The following LARGE2 variants were observed in gnomAD, a reference collection of about 807,000 sequenced individuals.
The protein encoded by LARGE2 is xylosyl- and glucuronyltransferase LARGE2.
A neutral mutation model predicts 75.3 loss-of-function variants in LARGE2; 63 were observed. That is an observed-to-expected ratio of 0.84 (90% CI 0.68 to 1.03). The LOEUF (loss-of-function observed/expected upper bound fraction) is 1.03, where lower values mean the gene tolerates loss of function less well. LARGE2 is among the 50% of genes least tolerant of loss of function. The pLI, the probability that LARGE2 is intolerant of heterozygous loss-of-function variation, is 0.00. For missense variants in LARGE2, 925 were observed against 980.6 expected, an observed-to-expected ratio of 0.94 and a Z score of 0.76; for synonymous variants, 428 against 420.1, an observed-to-expected ratio of 1.02 and a Z score of -0.23.
At position 45,924,852 on chromosome 11, in the gene LARGE2, C is replaced by T. The variant is rs762307296; in HGVS notation, c.732C>T (p.His244=). Residue 244 remains histidine, a synonymous_variant, in exon 6 of 14, where the codon CAC becomes CAT. Coordinates refer to ENST00000401752, the MANE Select transcript of LARGE2 (RefSeq NM_001300721.2). ...DWYLGNLWKN[H]RPWPALGRGF... ...ACCTGGGCAACCTCTGGAAGAACCA[C>T]AGGCCCTGGCCTGCCTTGGGCCGGG... 3.3e-6 allele frequency: 5 copies of T among 1,506,562 alleles called. No individual in the cohort carries two copies. Among genetic ancestry groups the T allele is most frequent in the African/African-American group, 1.4e-5 (1 of 71,456 alleles). 93.3% of individuals were successfully genotyped at this position (1,506,562 alleles called of 1,614,324 possible).
At chr11:45,926,391 G>A in intron 8 of LARGE2, 44 bp downstream of exon 8, 1 of 1,613,698 alleles carries the variant, frequency 6.2e-7, no homozygotes, top group South Asian at 1.1e-5. Flanking sequence ...GGCCATGGAT[G>A]GAGACTTCTG....
At position 45,926,706 on chromosome 11, in the gene LARGE2, C is replaced by G; in HGVS notation, c.1165-5C>G. The G allele has an allele frequency of 6.2e-7, 1 of 1,612,770 alleles. No homozygotes were observed. The highest frequency in any genetic ancestry group is 1.7e-4 in the Middle Eastern group (1 of 6,060). The stretch of plus-strand genomic sequence containing the variant: ...CCCGGTCCTTGTCACCCCTTGCCCC[C>G]TCAGTTGCAGCAGGCCCTGGCACAA... On this transcript the variant is annotated splice_polypyrimidine_tract_variant and splice_region_variant and intron_variant, in intron 9 of 13. Coordinates refer to ENST00000401752, the MANE Select transcript of LARGE2 (RefSeq NM_001300721.2).
At chr11:45,926,412 C>T (rs2087148315) in intron 8 of LARGE2, 30 bp from the exon 9 acceptor site, 4 of 1,613,828 alleles carry the variant, frequency 2.5e-6, no homozygotes, top group Non-Finnish European at 3.4e-6. Flanking sequence ...CTCCCTGCTC[C>T]CATGGCCCCA....
intron 12 of LARGE2, 31 bp downstream of exon 12, chr11:45,928,100 C>A: frequency 6.2e-7 from 1 of 1,612,842 alleles, no homozygotes; most frequent in Non-Finnish European, 8.5e-7. Flanking sequence ...GCCCACTCCA[C>A]TCACTTGCCC....
chr11:45,926,530 A>G lies in LARGE2; in HGVS notation c.1097A>G (p.Tyr366Cys). ...AATTTCTACCTGACCTTCCTGGAGTACGATGGGAACCTGCTGCGGAGAGAG... is the reference window on the plus strand; with the variant it reads ...AATTTCTACCTGACCTTCCTGGAGTGCGATGGGAACCTGCTGCGGAGAGAG... ...FRNFYLTFLE[Y>C]DGNLLRRELF... is the part of the protein sequence containing the mutation. The change falls in exon 9 of 14, where the codon TAC (tyrosine) becomes TGC (cysteine). Residue 366 changes from tyrosine to cysteine, a missense_variant. Tyr to Cys is a radical substitution (Grantham distance 194). This residue lies in a region of LARGE2 where 469 missense variants were observed against 503.8 expected (regional missense o/e 0.93). Coordinates refer to ENST00000401752, the MANE Select transcript of LARGE2 (RefSeq NM_001300721.2). The G allele has an allele frequency of 1.2e-6, 2 of 1,614,160 alleles. No homozygotes were observed. The highest frequency in any genetic ancestry group is 1.7e-6 in the Non-Finnish European group (2 of 1,180,030).
chr11:45,928,875 C>T lies in LARGE2; in HGVS notation c.*30C>T. On this transcript the variant is annotated 3_prime_UTR_variant, in exon 14 of 14. Coordinates refer to ENST00000401752, the MANE Select transcript of LARGE2 (RefSeq NM_001300721.2). ...GGGCCGGCGCTGCCCCTCATCTTAG[C>T]ATTGGGCAGACACCAGGGCAACCTG... 1 of 1,611,078 alleles carries T rather than the reference C, an allele frequency of 6.2e-7. No homozygotes were observed. The highest frequency in any genetic ancestry group is 2.2e-5 in the East Asian group (1 of 44,732).
upstream of LARGE2, among the ~76,000 whole-genome samples, chr11:45,922,295 T>C (rs1341879385): frequency 6.6e-6 from 1 of 152,000 alleles, no homozygotes; most frequent in Non-Finnish European, 1.5e-5. Context: ...TCCGGCCCCC[T>C]CCTCCTCCCT....
chr11:45,927,280 G>A (rs2087193182), intron 10 of LARGE2, 35 bp from the exon 11 acceptor site: 1 of 1,584,336 alleles, frequency 6.3e-7, no homozygotes, highest in Non-Finnish European at 8.6e-7. Context: ...CTGTGCAAGA[G>A]GGGCAGAGCT....
Position 45,924,899 on chromosome 11 carries a change from G to A in LARGE2, c.769+10G>A, listed in dbSNP as rs1440214223. On this transcript the variant is annotated intron_variant, in intron 6 of 13. Transcript: ENST00000401752. ...CGGGGATTTAACACAGGTGGGGACA[G>A]TGGTGAGGGGAGGCAGGCGGGGTGG... is the stretch of plus-strand genomic sequence containing the variant. The A allele has an allele frequency of 6.9e-7, 1 of 1,439,438 alleles. No individual in the cohort carries two copies. Among genetic ancestry groups the A allele is most frequent in the East Asian group, 2.5e-5 (1 of 39,562 alleles). 89.2% of individuals were successfully genotyped at this position (1,439,438 alleles called of 1,614,324 possible).
rs534243389 is a variant in LARGE2 at position 45,926,829 on chromosome 11, G to A, written c.1283G>A (p.Arg428Gln). ...TFLPHEPPPP[R>Q]PHDVTLVAQL... Reference sequence around the variant, plus strand: ...CTGCCCCATGAACCGCCACCCCCCCGGCCTCACGATGTCACCCTTGTGGCC... The same window carrying A: ...CTGCCCCATGAACCGCCACCCCCCCAGCCTCACGATGTCACCCTTGTGGCC... Residue 428 changes from arginine (R) to glutamine (Q), a missense_variant, in exon 10 of 14, where the codon CGG becomes CAG. By Grantham distance (43) the Arg-to-Gln change is conservative. Coordinates refer to ENST00000401752, the MANE Select transcript of LARGE2 (RefSeq NM_001300721.2). The A allele has an allele frequency of 4.0e-5, 65 of 1,612,974 alleles. No homozygotes were observed. The highest frequency in any genetic ancestry group is 1.6e-4 in the Middle Eastern group (1 of 6,084).
chr11:45,922,857 C>G lies in LARGE2; in HGVS notation c.-26C>G, dbSNP rs1007932554. The G allele has an allele frequency of 3.8e-5, 47 of 1,249,758 alleles. No homozygotes were observed. Among genetic ancestry groups the G allele is most frequent in the Non-Finnish European group, 3.9e-5 (39 of 998,930 alleles). 77.4% of individuals were successfully genotyped at this position (1,249,758 alleles called of 1,614,324 possible). On this transcript the variant is annotated 5_prime_UTR_variant, in exon 2 of 14. Coordinates refer to ENST00000401752, the MANE Select transcript of LARGE2 (RefSeq NM_001300721.2). ...GAGCCTGCAGCCCCGGGTCGCGTCC[C>G]TCCCTGAGCGCCCCCGTCGGCGGCC...
In LARGE2 at chr11:45,926,417, GC is replaced by G. The variant is rs745382570; in HGVS notation, c.1009-21del. On this transcript the variant is annotated intron_variant, in intron 8 of 13. Coordinates refer to ENST00000401752, the MANE Select transcript of LARGE2 (RefSeq NM_001300721.2). ...GAGACTTCTGCTCCCTGCTCCCATG[GC>G]CCCAACACCCTCCTGGGTCCCAGGT... The G allele has an allele frequency of 5.0e-6, 8 of 1,613,798 alleles. No homozygotes were observed. The East Asian group carries it at 1.6e-4, about 31-fold the overall frequency.
intron 13 of LARGE2, 30 bp from the exon 14 acceptor site, chr11:45,928,600 C>G: frequency 6.3e-7 from 1 of 1,599,556 alleles, no homozygotes; most frequent in Non-Finnish European, 8.5e-7. Flanking sequence ...GCAAGCCAGG[C>G]AGCCACTGCT....
Position 45,928,747 on chromosome 11 carries a change from A to G in LARGE2, c.2068A>G (p.Lys690Glu). The part of the protein sequence containing the change: ...PTYRDCLQAL[K>E]DEFHQDLSRH... ...CTATCGTGACTGCCTCCAGGCCCTC[A>G]AGGACGAATTCCACCAGGACTTGTC... The change falls in exon 14 of 14, where the codon AAG becomes GAG. Residue 690 changes from lysine to glutamate, a missense_variant. Around this residue, in one of 3 missense-constraint regions of LARGE2, gnomAD observed 469 missense variants for 503.8 expected, o/e 0.93. Transcript: ENST00000401752. 1 of 1,614,098 alleles carries G rather than the reference A, an allele frequency of 6.2e-7. No homozygotes were observed. Among genetic ancestry groups the G allele is most frequent in the South Asian group, 1.1e-5 (1 of 91,078 alleles).
Position 45,927,411 on chromosome 11 carries a change from C to A in LARGE2, c.1422C>A (p.Phe474Leu). The change falls in exon 11 of 14, where the codon TTC becomes TTA. Residue 474 changes from phenylalanine to leucine, a missense_variant. Around this residue, in one of 3 missense-constraint regions of LARGE2, gnomAD observed 469 missense variants for 503.8 expected, o/e 0.93. Coordinates refer to ENST00000401752, the MANE Select transcript of LARGE2 (RefSeq NM_001300721.2). The stretch of plus-strand genomic sequence containing the variant: ...CAGAAGCTCAGCAGTTCCTGCATTT[C>A]GTCGAGGCCTCACCAGTGCTTGCTG... ...TDAEAQQFLHFVEASPVLAAR... is the reference protein window; with the variant it reads ...TDAEAQQFLHLVEASPVLAAR... The A allele has an allele frequency of 6.2e-7, 1 of 1,614,176 alleles. No homozygotes were observed. Among genetic ancestry groups the A allele is most frequent in the Middle Eastern group, 1.6e-4 (1 of 6,062 alleles).
chr11:45,926,599 T>A lies in LARGE2; in HGVS notation c.1164+2T>A, dbSNP rs1326922180. On this transcript the variant is annotated splice_donor_variant, in intron 9 of 13. Coordinates refer to ENST00000401752, the MANE Select transcript of LARGE2 (RefSeq NM_001300721.2). LOFTEE classifies it high-confidence loss of function. ...CAGCCCCCACCTGGTGCTGAGCAGG[T>A]GAGAAGGAGTCACCTTCCCCTGCCC... The A allele has an allele frequency of 1.2e-6, 2 of 1,613,798 alleles. No homozygotes were observed.
Position 45,922,990 on chromosome 11 carries a change from C to T in LARGE2, c.108C>T (p.Arg36=), listed in dbSNP as rs1026662890. Residue 36 remains arginine, a synonymous_variant, in exon 2 of 14, where the codon CGC becomes CGT. Transcript: ENST00000401752. ...LFGGDLGCER[R]EPGGRAGAPG... is the part of the protein sequence containing the mutation. Reference sequence around the variant, plus strand: ...GTGGGGACCTGGGGTGTGAGCGCCGCGAGCCTGGCGGGCGAGCGGGGGCCC... The same window carrying T: ...GTGGGGACCTGGGGTGTGAGCGCCGTGAGCCTGGCGGGCGAGCGGGGGCCC... 11 of 1,342,434 alleles carry T rather than the reference C, an allele frequency of 8.2e-6. No homozygotes were observed. Among genetic ancestry groups the T allele is most frequent in the Non-Finnish European group, 1.0e-5 (11 of 1,052,170 alleles). The allele number at this position is 1,342,434 out of a possible 1,614,324, so 83.2% of individuals were successfully genotyped here.
upstream of LARGE2, among the ~76,000 whole-genome samples, chr11:45,922,389 C>T (rs1265809618): frequency 6.6e-6 from 1 of 152,090 alleles, no homozygotes; most frequent in East Asian, 1.9e-4. Flanking sequence ...GGAGACGCGG[C>T]CCCAGAGCGG....
rs2087073478 is a variant in LARGE2 at position 45,924,665 on chromosome 11, G to A, written c.652G>A (p.Ala218Thr). The change falls in exon 5 of 14, where the codon GCT (alanine) becomes ACT (threonine). Residue 218 changes from alanine (A) to threonine (T), a missense_variant. By Grantham distance (58) the Ala-to-Thr change is moderately conservative. Transcript: ENST00000401752. ...CATCTCGGAGCTCTGGGCCCTCTTT[G>A]CTCACTTTTCTGGTGAGAGGCCTGG... is the stretch of plus-strand genomic sequence containing the variant. Reference protein sequence around the residue: ...SDISELWALFAHFSDTQAIGL... With the variant: ...SDISELWALFTHFSDTQAIGL... 6.2e-7 allele frequency: 1 copy of A among 1,612,204 alleles called. No individual in the cohort carries two copies.
Sources: allele counts gnomAD v4.1 joint callset (sites outside exome capture counted in the v4.1 genomes callset), GRCh38; gene constraint gnomAD v4.1.1; regional missense constraint gnomAD v4.1.1; transcripts MANE v1.5; gene names NCBI Gene and HGNC (gene_info 2026-07-23, HGNC 2026-07-21).